The following GRHL2 variants were observed in gnomAD, a reference collection of about 807,000 sequenced individuals.
GRHL2 encodes grainyhead-like protein 2 homolog.
In GRHL2, 21 loss-of-function variants were observed where a neutral mutation model predicts 83.8. The observed-to-expected ratio is 0.25, with a 90% CI of 0.18 to 0.36. The LOEUF (loss-of-function observed/expected upper bound fraction) is 0.36, where lower values mean the gene tolerates loss of function less well. Ranked by LOEUF, GRHL2 falls within the 10% of genes least tolerant of loss-of-function variation. The pLI, the probability that GRHL2 is intolerant of heterozygous loss-of-function variation, is 1.00. For missense variants in GRHL2, 623 were observed against 781.8 expected, an observed-to-expected ratio of 0.80 and a Z score of 2.42; for synonymous variants, 280 against 278.9, an observed-to-expected ratio of 1.00 and a Z score of -0.04.
Position 101,514,187 on chromosome 8 carries a change from C to T in GRHL2, c.20+21398C>T, listed in dbSNP as rs574326663. On this transcript the variant is annotated intron_variant, in intron 1 of 15. Transcript: ENST00000646743. Reference sequence around the variant, plus strand: ...TACCCATATGTGCACACACACAGGACAGTTCAGTGCTTTTATGAATACTTG... The same window carrying T: ...TACCCATATGTGCACACACACAGGATAGTTCAGTGCTTTTATGAATACTTG... 3.3e-5 allele frequency among the ~76,000 whole-genome samples: 5 copies of T among 152,226 alleles called. No homozygotes were observed. The South Asian group carries it at 1.0e-3, about 32-fold the overall frequency.
chr8:101,653,286 G>GA (rs1198449163), intron 14 of GRHL2, among the ~76,000 whole-genome samples: 3 of 152,044 alleles, frequency 2.0e-5, no homozygotes, highest in Non-Finnish European at 4.4e-5. Flanking sequence ...TATATAGACA[G>GA]AAAAAATGCT....
At chr8:101,549,842 G>T (rs1235058042) in intron 2 of GRHL2, among the ~76,000 whole-genome samples, 1 of 151,812 alleles carries the variant, frequency 6.6e-6, no homozygotes, top group African/African-American at 2.4e-5. Flanking sequence ...CCTCTGGGGA[G>T]CTCTGTCCTC....
intron 1 of GRHL2, among the ~76,000 whole-genome samples, chr8:101,493,872 C>T (rs112180861): frequency 6.6e-6 from 1 of 151,794 alleles, no homozygotes; most frequent in African/African-American, 2.4e-5. Flanking sequence ...CGGCCTCCCC[C>T]CTGGCCGGCC....
intron 6 of GRHL2, among the ~76,000 whole-genome samples, chr8:101,574,409 G>T (rs527704460): frequency 6.6e-6 from 1 of 152,216 alleles, no homozygotes; most frequent in Non-Finnish European, 1.5e-5. Flanking sequence ...AGCTTCTGGC[G>T]TACTTGCTAC....
chr8:101,644,117 C>T lies in GRHL2; in HGVS notation c.1518-14C>T. On this transcript the variant is annotated splice_polypyrimidine_tract_variant and intron_variant, in intron 12 of 15. Coordinates refer to ENST00000646743, the MANE Select transcript of GRHL2 (RefSeq NM_024915.4). The stretch of plus-strand genomic sequence containing the variant: ...TGCTGGTTTTACTTAAGGATTTCTG[C>T]TTATCTTTTCTAGTGGCAGTGTCCT... 6 of 1,611,348 alleles carry T rather than the reference C, an allele frequency of 3.7e-6. No homozygotes were observed. The highest frequency in any genetic ancestry group is 4.2e-6 in the Non-Finnish European group (5 of 1,177,494).
At chr8:101,652,377 TGTGTGTGG>T (rs1813656791) in intron 14 of GRHL2, among the ~76,000 whole-genome samples, 1 of 81,588 alleles carries the variant, frequency 1.2e-5, no homozygotes, top group Non-Finnish European at 2.2e-5. Context: ...GTGTCTGATG[TGTGTGTGG>T]TGTGTGTGTG....
intron 1 of GRHL2, among the ~76,000 whole-genome samples, chr8:101,509,118 C>T (rs865997553): frequency 2.3e-5 from 1 of 43,058 alleles, no homozygotes; most frequent in East Asian, 3.7e-4. Flanking sequence ...TCCTTCCTTC[C>T]TTCCTTCCTT....
At chr8:101,523,921 A>G (rs1438209297) in intron 1 of GRHL2, among the ~76,000 whole-genome samples, 1 of 152,102 alleles carries the variant, frequency 6.6e-6, no homozygotes, top group Non-Finnish European at 1.5e-5. Context: ...TGACTCACAT[A>G]CTTATTGGTT....
chr8:101,583,410 G>A (rs1306899000), intron 7 of GRHL2, among the ~76,000 whole-genome samples: 1 of 152,164 alleles, frequency 6.6e-6, no homozygotes, highest in East Asian at 1.9e-4. Context: ...GGGGATACAG[G>A]GGAACAAAAG....
rs1871236 is a variant in GRHL2 at position 101,521,839 on chromosome 8, C to T, written c.21-21402C>T. The stretch of plus-strand genomic sequence containing the variant: ...TTTTAGAGAACGCTGTGGTAATAAG[C>T]TGACTTGAACTAATCAGTTCGTAGA... On this transcript the variant is annotated intron_variant, in intron 1 of 15. Transcript: ENST00000646743. Among the ~76,000 whole-genome samples the T allele has an allele frequency of 8.2e-3, 1,247 of 152,296 alleles. 9 individuals carry two copies. The highest frequency in any genetic ancestry group is 0.014 in the Non-Finnish European group (966 of 68,030).
At chr8:101,645,049 A>G (rs1262753826) in intron 13 of GRHL2, among the ~76,000 whole-genome samples, 1 of 150,000 alleles carries the variant, frequency 6.7e-6, no homozygotes, top group African/African-American at 2.5e-5. Flanking sequence ...AGGTCTCAAT[A>G]TGTTGCCCAG....
downstream of GRHL2, among the ~76,000 whole-genome samples, chr8:101,671,030 C>G (rs1814196604): frequency 6.6e-6 from 1 of 152,108 alleles, no homozygotes; most frequent in Non-Finnish European, 1.5e-5. Flanking sequence ...GAAAAGGCAC[C>G]AAGGGGGGTG....
At chr8:101,589,201 A>G (rs999206562) in intron 7 of GRHL2, among the ~76,000 whole-genome samples, 5 of 152,212 alleles carry the variant, frequency 3.3e-5, no homozygotes, top group African/African-American at 9.6e-5. Context: ...CACAGTTTGC[A>G]TTTTCATTCA....
intron 10 of GRHL2, 82 bp downstream of exon 10, chr8:101,631,806 G>A (rs1813191194): frequency 1.7e-6 from 2 of 1,169,606 alleles, no homozygotes; most frequent in Non-Finnish European, 2.6e-6. Context: ...GAAGAAGTGG[G>A]TTGCAGGTAA....
At chr8:101,674,870 G>T in the GRHL2 span, among the ~76,000 whole-genome samples, 3 of 151,950 alleles carry the variant, frequency 2.0e-5, no homozygotes. Flanking sequence ...ATGATCAAGT[G>T]GGCTTCATCC....
At chr8:101,612,026 C>A (rs1013911231) in intron 8 of GRHL2, among the ~76,000 whole-genome samples, 1 of 150,894 alleles carries the variant, frequency 6.6e-6, no homozygotes, top group African/African-American at 2.5e-5. Context: ...CGCTCTGTCA[C>A]CTAGGCTGGA....
At chr8:101,589,690 A>G (rs749066902) in intron 7 of GRHL2, among the ~76,000 whole-genome samples, 8 of 152,214 alleles carry the variant, frequency 5.3e-5, no homozygotes, top group Non-Finnish European at 8.8e-5. Context: ...AGTTCTAAGA[A>G]ACACAAATGG....
At chr8:101,657,133 G>A (rs1201843038) in intron 14 of GRHL2, among the ~76,000 whole-genome samples, 4 of 152,122 alleles carry the variant, frequency 2.6e-5, no homozygotes, top group South Asian at 2.1e-4. Flanking sequence ...TGTCAAACAC[G>A]GCCACCTAGG....
chr8:101,647,761 A>G lies in GRHL2; in HGVS notation c.1613-1653A>G, dbSNP rs915489188. On this transcript the variant is annotated intron_variant, in intron 13 of 15. Coordinates refer to ENST00000646743, the MANE Select transcript of GRHL2 (RefSeq NM_024915.4). ...TTCTTTTTCTTTTTCTTTTTTTTTC[A>G]TACACTAACTGAACATCCACTGGCT... Among the ~76,000 whole-genome samples the G allele has an allele frequency of 4.9e-5, 6 of 122,128 alleles. 1 individual carries two copies. In the South Asian group the frequency reaches 1.7e-3, roughly 34 times the overall value. 80.1% of individuals were successfully genotyped at this position (122,128 alleles called of 152,430 possible). A position where few individuals can be genotyped will look rare whatever the true frequency, so the allele number is the denominator to read the frequency against.
Sources: allele counts gnomAD v4.1 joint callset (sites outside exome capture counted in the v4.1 genomes callset), GRCh38; gene constraint gnomAD v4.1.1; transcripts MANE v1.5; gene names NCBI Gene and HGNC (gene_info 2026-07-23, HGNC 2026-07-21).